Variants in LRRC28 observed in about 807,000 individuals in gnomAD.
LRRC28 encodes leucine rich repeat containing 28.
Under a neutral mutation model 45.7 loss-of-function variants are expected in LRRC28, and 39 were observed. The observed-to-expected ratio is 0.85, with a 90% CI of 0.66 to 1.12. The LOEUF (loss-of-function observed/expected upper bound fraction) is 1.12. Ranked by LOEUF, LRRC28 falls within the 50% of genes most tolerant of loss-of-function variation. The pLI is 0.00. For missense variants in LRRC28, 435 were observed against 438.5 expected, an observed-to-expected ratio of 0.99 and a Z score of 0.07; for synonymous variants, 206 against 178.8, an observed-to-expected ratio of 1.15 and a Z score of -1.22.
chr15:99,298,317 C>T (rs1189813187), intron 5 of LRRC28, among the ~76,000 whole-genome samples: 1 of 152,116 alleles, frequency 6.6e-6, no homozygotes, highest in Non-Finnish European at 1.5e-5. Flanking sequence ...TTAAGGAGGG[C>T]TTAAGGAGAA....
chr15:99,334,402 A>AGTGTGTGTGTGTGTGTGT (rs57298947), intron 6 of LRRC28, among the ~76,000 whole-genome samples: 7 of 144,604 alleles, frequency 4.8e-5, no homozygotes, highest in African/African-American at 1.8e-4. Flanking sequence ...GGAATTAAAG[A>AGTGTGTGTGTGTGTGTGT]GTGTGTGTGT....
intron 3 of LRRC28, among the ~76,000 whole-genome samples, chr15:99,277,907 T>A (rs982496316): frequency 2.0e-5 from 3 of 152,200 alleles, no homozygotes; most frequent in Admixed American, 2.0e-4. Context: ...TAAAGTCTGT[T>A]ACTAAGTATT....
chr15:99,363,575 GA>G (rs1001023471), intron 9 of LRRC28, among the ~76,000 whole-genome samples: 3 of 151,392 alleles, frequency 2.0e-5, no homozygotes, highest in Non-Finnish European at 3.0e-5. Flanking sequence ...AGGGATGCAA[GA>G]AAAAAAAATG....
intron 5 of LRRC28, among the ~76,000 whole-genome samples, chr15:99,289,477 C>A (rs1172449696): frequency 3.3e-5 from 5 of 151,888 alleles, no homozygotes; most frequent in Non-Finnish European, 7.4e-5. Flanking sequence ...TTCAGGGTTG[C>A]AAGAGAATGT....
chr15:99,309,988 A>G (rs1955343335), intron 5 of LRRC28, among the ~76,000 whole-genome samples: 1 of 152,320 alleles, frequency 6.6e-6, no homozygotes, highest in African/African-American at 2.4e-5. Context: ...CACCCTCGGG[A>G]CATCTTGTGC....
intron 5 of LRRC28, among the ~76,000 whole-genome samples, chr15:99,300,719 A>G (rs988986467): frequency 2.0e-5 from 3 of 152,164 alleles, no homozygotes; most frequent in Non-Finnish European, 4.4e-5. Flanking sequence ...CCAGCCCCTC[A>G]GGAAGCTGAG....
intron 9 of LRRC28, among the ~76,000 whole-genome samples, chr15:99,365,482 A>G (rs1957315142): frequency 6.6e-6 from 1 of 152,226 alleles, no homozygotes; most frequent in Admixed American, 6.5e-5. Context: ...CCATGTTGCC[A>G]TGGAGATTGT....
chr15:99,254,045 G>A (rs941063289), intron 1 of LRRC28, among the ~76,000 whole-genome samples: 6 of 152,204 alleles, frequency 3.9e-5, no homozygotes, highest in African/African-American at 1.4e-4. Context: ...TGTTAAGTTT[G>A]AGATGGTTGT....
chr15:99,298,091 C>T (rs2082312011), intron 5 of LRRC28, among the ~76,000 whole-genome samples: 1 of 151,904 alleles, frequency 6.6e-6, no homozygotes, highest in East Asian at 1.9e-4. Context: ...GTTGCTTAGA[C>T]TTGGAAAGCC....
At chr15:99,360,529 TG>T (rs969761286) in intron 7 of LRRC28, among the ~76,000 whole-genome samples, 3 of 152,076 alleles carry the variant, frequency 2.0e-5, no homozygotes, top group African/African-American at 7.3e-5. Context: ...AAAAAATAAA[TG>T]AATCAAGGGC....
At chr15:99,315,401 T>A (rs916035240) in intron 5 of LRRC28, among the ~76,000 whole-genome samples, 1 of 152,204 alleles carries the variant, frequency 6.6e-6, no homozygotes, top group Non-Finnish European at 1.5e-5. Context: ...TCTTATTCTC[T>A]TATTATAGGC....
intron 2 of LRRC28, among the ~76,000 whole-genome samples, chr15:99,265,206 G>C (rs1001035528): frequency 1.3e-5 from 2 of 152,212 alleles, no homozygotes; most frequent in African/African-American, 4.8e-5. Flanking sequence ...AGCTGTCTGA[G>C]GGATGGAGAA....
intron 5 of LRRC28, among the ~76,000 whole-genome samples, chr15:99,307,748 C>T (rs1359531249): frequency 6.6e-6 from 1 of 152,212 alleles, no homozygotes; most frequent in African/African-American, 2.4e-5. Context: ...TTCCAACACT[C>T]ATCTCAGTTT....
chr15:99,294,512 A>G (rs1029153966), intron 5 of LRRC28, among the ~76,000 whole-genome samples: 1 of 152,190 alleles, frequency 6.6e-6, no homozygotes, highest in Admixed American at 6.5e-5. Context: ...GGTAGCTTAT[A>G]AACAACAGAA....
chr15:99,385,787 A>G (rs1045527076), intron 9 of LRRC28, among the ~76,000 whole-genome samples: 3 of 150,120 alleles, frequency 2.0e-5, no homozygotes, highest in African/African-American at 7.4e-5. Context: ...GGGATAATAT[A>G]TCTTCTGAAC....
intron 9 of LRRC28, among the ~76,000 whole-genome samples, chr15:99,368,535 G>A (rs149877175): frequency 1.5e-3 from 235 of 152,226 alleles, no homozygotes; most frequent in Middle Eastern, 3.4e-3. Flanking sequence ...AGGTTGCCCT[G>A]CCCCTGGAAT....
At chr15:99,284,219 T>A (rs79807015) in intron 3 of LRRC28, among the ~76,000 whole-genome samples, 2,945 of 152,320 alleles carry the variant, frequency 0.019, 95 homozygotes, top group African/African-American at 0.067. Flanking sequence ...CAGGATGGTT[T>A]TGGGTACCAA....
Position 99,288,371 on chromosome 15 carries a change from C to CTTTTT in LRRC28, c.385+445_385+449dup, listed in dbSNP as rs67593137. On this transcript the variant is annotated intron_variant, in intron 5 of 9. Transcript: ENST00000301981. ...TAGTGAGGTAACTAATGTACATTAACTTTTTTTTTTTTTTTTTTTTTTTTT... is the reference window on the plus strand; with the variant it reads ...TAGTGAGGTAACTAATGTACATTAACTTTTTTTTTTTTTTTTTTTTTTTTTTTTTT... Among the ~76,000 whole-genome samples, 58 of 82,916 alleles carry CTTTTT rather than the reference C, an allele frequency of 7.0e-4. 6 individuals are homozygous for CTTTTT. The highest frequency in any genetic ancestry group is 8.5e-4 in the Non-Finnish European group (38 of 44,722). The allele number at this position is 82,916 out of a possible 152,430, so 54.4% of individuals were successfully genotyped here. A position where few individuals can be genotyped will look rare whatever the true frequency, so the allele number is the denominator to read the frequency against.
At chr15:99,312,234 A>T (rs1015471421) in intron 5 of LRRC28, among the ~76,000 whole-genome samples, 1 of 152,216 alleles carries the variant, frequency 6.6e-6, no homozygotes, top group Non-Finnish European at 1.5e-5. Context: ...ATATTGTATA[A>T]CTTATTGCTC....
Sources: allele counts gnomAD v4.1 joint callset (sites outside exome capture counted in the v4.1 genomes callset), GRCh38; gene constraint gnomAD v4.1.1; transcripts MANE v1.5; gene names NCBI Gene and HGNC (gene_info 2026-07-23, HGNC 2026-07-21).